The following ABTB3 variants were observed in gnomAD, a reference collection of about 807,000 sequenced individuals.
The protein encoded by ABTB3 is ankyrin repeat and BTB domain containing 3, also known as ankyrin repeat- and BTB/POZ domain-containing protein 3.
At chr12:107,489,802 A>T in the ABTB3 span, among the ~76,000 whole-genome samples, 5 of 152,050 alleles carry the variant, frequency 3.3e-5, no homozygotes, top group Non-Finnish European at 5.9e-5. Context: ...TTGCTCTGTC[A>T]GTCAGGCTGA....
the ABTB3 span, among the ~76,000 whole-genome samples, chr12:107,415,633 A>G: frequency 6.6e-6 from 1 of 151,794 alleles, no homozygotes; most frequent in African/African-American, 2.4e-5. Context: ...GCGTGAACCC[A>G]GGAGGCAGAG....
At chr12:107,511,788 T>C in the ABTB3 span, among the ~76,000 whole-genome samples, 1 of 152,108 alleles carries the variant, frequency 6.6e-6, no homozygotes. Context: ...ATTTTTGCAG[T>C]CAATCTACCC....
At chr12:107,343,651 C>A in the ABTB3 span, among the ~76,000 whole-genome samples, 2 of 152,074 alleles carry the variant, frequency 1.3e-5, no homozygotes, top group African/African-American at 4.8e-5. Context: ...ATTTTCACAC[C>A]ACTATAAAGA....
the ABTB3 span, among the ~76,000 whole-genome samples, chr12:107,353,568 G>C: frequency 2.0e-5 from 3 of 152,174 alleles, no homozygotes; most frequent in African/African-American, 4.8e-5. Flanking sequence ...TTTGCTTAAA[G>C]GATTACATAA....
the ABTB3 span, among the ~76,000 whole-genome samples, chr12:107,433,785 G>T: frequency 6.6e-6 from 1 of 152,284 alleles, no homozygotes; most frequent in East Asian, 1.9e-4. Flanking sequence ...TGTTCTGGCC[G>T]CTATAACAAA....
At chr12:107,499,913 T>C in the ABTB3 span, among the ~76,000 whole-genome samples, 8 of 152,296 alleles carry the variant, frequency 5.3e-5, no homozygotes, top group African/African-American at 1.9e-4. Flanking sequence ...CTTGAACTCC[T>C]GTCCTCAAGT....
chr12:107,462,597 G>A, the ABTB3 span, among the ~76,000 whole-genome samples: 1 of 152,010 alleles, frequency 6.6e-6, no homozygotes, highest in Non-Finnish European at 1.5e-5. Flanking sequence ...GATTATGGTG[G>A]TAGTGACAGT....
the ABTB3 span, among the ~76,000 whole-genome samples, chr12:107,522,562 T>G: frequency 6.6e-6 from 1 of 152,022 alleles, no homozygotes; most frequent in Non-Finnish European, 1.5e-5. Context: ...ATATTTTATT[T>G]TTTTAATTGT....
chr12:107,434,709 A>T, the ABTB3 span, among the ~76,000 whole-genome samples: 5 of 152,046 alleles, frequency 3.3e-5, no homozygotes. Flanking sequence ...CAAAAAAATT[A>T]AAAAATTAGC....
chr12:107,657,774 G>A, the ABTB3 span: 4 of 1,574,074 alleles, frequency 2.5e-6, no homozygotes, highest in African/African-American at 1.4e-5. Flanking sequence ...TGCCGCATTG[G>A]CTTTACACAA....
chr12:107,590,240 G>T, the ABTB3 span, among the ~76,000 whole-genome samples: 9 of 152,190 alleles, frequency 5.9e-5, no homozygotes, highest in African/African-American at 2.2e-4. Context: ...ATGCAAAAAG[G>T]CTTCTATATA....
chr12:107,647,634 C>T, the ABTB3 span, among the ~76,000 whole-genome samples: 4 of 152,318 alleles, frequency 2.6e-5, no homozygotes, highest in African/African-American at 9.6e-5. Flanking sequence ...GAGAACAAGG[C>T]GGCATGTAGC....
the ABTB3 span, among the ~76,000 whole-genome samples, chr12:107,477,780 C>CG: frequency 2.0e-5 from 3 of 152,006 alleles, no homozygotes; most frequent in East Asian, 5.8e-4. Flanking sequence ...CAAAAATAAG[C>CG]CAGAAACAAG....
At chr12:107,597,081 T>C in the ABTB3 span, among the ~76,000 whole-genome samples, 3 of 152,202 alleles carry the variant, frequency 2.0e-5, no homozygotes, top group African/African-American at 7.2e-5. Flanking sequence ...GCTTTTTTAA[T>C]GCCCTGTGGG....
At chr12:107,562,096 T>C in the ABTB3 span, among the ~76,000 whole-genome samples, 2 of 152,202 alleles carry the variant, frequency 1.3e-5, no homozygotes, top group African/African-American at 4.8e-5. Context: ...TATCACCAGG[T>C]ATAGAACCAG....
At chr12:107,462,876 A>G in the ABTB3 span, among the ~76,000 whole-genome samples, 1 of 151,480 alleles carries the variant, frequency 6.6e-6, no homozygotes, top group South Asian at 2.1e-4. Context: ...AATAGTAGTG[A>G]CAATGATGAT....
the ABTB3 span, among the ~76,000 whole-genome samples, chr12:107,460,779 T>C: frequency 1.3e-5 from 2 of 152,212 alleles, no homozygotes; most frequent in African/African-American, 4.8e-5. Context: ...GGTTGTGTGA[T>C]GTAAGGCACT....
chr12:107,646,658 G>A, the ABTB3 span, among the ~76,000 whole-genome samples: 2 of 152,202 alleles, frequency 1.3e-5, no homozygotes, highest in African/African-American at 4.8e-5. Flanking sequence ...GTATGTGGGA[G>A]ACTCAAACAC....
At chr12:107,516,791 T>G in the ABTB3 span, among the ~76,000 whole-genome samples, 1 of 152,208 alleles carries the variant, frequency 6.6e-6, no homozygotes. Flanking sequence ...GGACTTTAAC[T>G]TCTGGTCTTG....
Sources: allele counts gnomAD v4.1 joint callset (sites outside exome capture counted in the v4.1 genomes callset), GRCh38; gene constraint gnomAD v4.1.1; transcripts MANE v1.5; gene names NCBI Gene and HGNC (gene_info 2026-07-23, HGNC 2026-07-21).